The following SMCHD1 variants were observed in gnomAD, a reference collection of about 807,000 sequenced individuals.
SMCHD1 encodes structural maintenance of chromosomes flexible hinge domain-containing protein 1.
SMCHD1 carries 78 observed loss-of-function variants against 254.7 expected under a neutral mutation model. The ratio of observed to expected loss-of-function variants is 0.31; its 90% CI spans 0.26 to 0.37. The LOEUF (loss-of-function observed/expected upper bound fraction) is 0.37, where lower values mean the gene tolerates loss of function less well. SMCHD1 is among the 10% of genes least tolerant of loss of function. The pLI is 1.00. For synonymous variants in SMCHD1, 766 were observed against 794.9 expected (o/e 0.96, Z 0.61); for missense variants, 1,840 against 2,408.1 (o/e 0.76, Z 4.94).
chr18:2,721,558 GA>G (rs572262052), intron 19 of SMCHD1, among the ~76,000 whole-genome samples: 39 of 151,060 alleles, frequency 2.6e-4, no homozygotes, highest in African/African-American at 7.5e-4. Flanking sequence ...GCTTTTTGGG[GA>G]AAAAAAAATT....
chr18:2,758,366 A>AT (rs1169562734), intron 34 of SMCHD1, among the ~76,000 whole-genome samples: 2 of 151,754 alleles, frequency 1.3e-5, no homozygotes, highest in African/African-American at 2.4e-5. Context: ...AACAATTTGT[A>AT]TTTTTTTACC....
chr18:2,784,947 TAAAAAA>T (rs35051153), intron 45 of SMCHD1: 1 of 310,848 alleles, frequency 3.2e-6, no homozygotes, highest in African/African-American at 2.3e-5. Context: ...CTCCATCTCT[TAAAAAA>T]AAAAAAAGAA....
chr18:2,786,503 C>G (rs1187215480), intron 45 of SMCHD1, among the ~76,000 whole-genome samples: 2 of 151,934 alleles, frequency 1.3e-5, no homozygotes, highest in Admixed American at 1.3e-4. Context: ...ACTAGCCCGG[C>G]CAACATGGTA....
chr18:2,704,910 C>A (rs895624445), intron 13 of SMCHD1, among the ~76,000 whole-genome samples: 9 of 152,030 alleles, frequency 5.9e-5, no homozygotes, highest in African/African-American at 2.2e-4. Context: ...GAGGAGCTGG[C>A]AGAGGAGACT....
In SMCHD1 at chr18:2,728,524, C is replaced by T. The variant is rs368340942; in HGVS notation, c.2841C>T (p.Phe947=). 8.1e-6 allele frequency: 13 copies of T among 1,612,954 alleles called. No homozygotes were observed. Among genetic ancestry groups the T allele is most frequent in the African/African-American group, 1.3e-5 (1 of 74,844 alleles). ...TAGTTATAGAAAATGGAACAGCTTT[C>T]CCATTTCAGGTGGAAGTTTTAGATG... ...EILVIENGTA[F]PFQVEVLDES... Residue 947 remains phenylalanine, a synonymous_variant, in exon 23 of 48, where the codon TTC becomes TTT. Coordinates refer to ENST00000320876, the MANE Select transcript of SMCHD1 (RefSeq NM_015295.3).
intron 1 of SMCHD1, among the ~76,000 whole-genome samples, chr18:2,662,224 G>A (rs374378358): frequency 2.2e-5 from 3 of 135,462 alleles, no homozygotes; most frequent in African/African-American, 5.4e-5. Context: ...AAGAAAGAAA[G>A]AAAAAATAAT....
intron 20 of SMCHD1, among the ~76,000 whole-genome samples, chr18:2,722,926 G>C (rs2074955651): frequency 6.6e-6 from 1 of 150,898 alleles, no homozygotes; most frequent in African/African-American, 2.4e-5. Context: ...ATGTTCTTTT[G>C]CAAGTATGAT....
intron 28 of SMCHD1, among the ~76,000 whole-genome samples, chr18:2,743,118 C>G (rs188706304): frequency 8.5e-5 from 13 of 152,272 alleles, no homozygotes; most frequent in Admixed American, 2.0e-4. Context: ...GCAGCACTCA[C>G]GCCAGTGTGG....
At chr18:2,765,449 A>T (rs1343389715) in intron 37 of SMCHD1, among the ~76,000 whole-genome samples, 1 of 152,226 alleles carries the variant, frequency 6.6e-6, no homozygotes, top group African/African-American at 2.4e-5. Context: ...CAGTAAAATT[A>T]GGCTTATACG....
intron 44 of SMCHD1, among the ~76,000 whole-genome samples, chr18:2,781,677 CT>C (rs1568378118): frequency 1.3e-5 from 2 of 151,834 alleles, no homozygotes; most frequent in Admixed American, 6.6e-5. Context: ...AATAAGTCAA[CT>C]TGAAAAAATC....
intron 19 of SMCHD1, among the ~76,000 whole-genome samples, chr18:2,720,020 C>A (rs2074891358): frequency 6.6e-6 from 1 of 151,712 alleles, no homozygotes; most frequent in Non-Finnish European, 1.5e-5. Flanking sequence ...CAGGGTCTTG[C>A]TATGTTATGT....
At position 2,804,465 on chromosome 18, in the gene SMCHD1, T is replaced by C. The variant is rs888117840; in HGVS notation, c.*1913T>C. 1.3e-5 allele frequency: 2 copies of C among 152,124 alleles called. No individual in the cohort carries two copies. The highest frequency in any genetic ancestry group is 2.9e-5 in the Non-Finnish European group (2 of 68,014). 9.4% of individuals were successfully genotyped at this position (152,124 alleles called of 1,614,324 possible). ...TGCTTAAAATGGCGAGTTCTATGGA[T>C]ATTATCTAGCCCCAAGCCCATATCT... On this transcript the variant is annotated 3_prime_UTR_variant, in exon 48 of 48. Transcript: ENST00000320876.
At chr18:2,707,444 A>AT (rs1344655030) in intron 15 of SMCHD1, 119 bp from the exon 16 acceptor site, 4 of 556,814 alleles carry the variant, frequency 7.2e-6, no homozygotes, top group East Asian at 3.4e-5. Flanking sequence ...AGAATTCCAG[A>AT]TTTAACCTTT....
intron 10 of SMCHD1, 121 bp from the exon 11 acceptor site, chr18:2,700,418 C>T: frequency 5.6e-6 from 6 of 1,074,860 alleles, no homozygotes; most frequent in Non-Finnish European, 7.8e-6. Flanking sequence ...TTTTTGTGGG[C>T]AAACAGTATA....
chr18:2,736,603 TGTTAAGAG>T (rs1211552590), intron 25 of SMCHD1, among the ~76,000 whole-genome samples: 4 of 99,230 alleles, frequency 4.0e-5, no homozygotes, highest in Admixed American at 1.2e-4. Context: ...ATAGATAACT[TGTTAAGAG>T]AAGACATACA....
chr18:2,774,901 C>T (rs2076041087), intron 41 of SMCHD1, among the ~76,000 whole-genome samples: 1 of 152,194 alleles, frequency 6.6e-6, no homozygotes, highest in Admixed American at 6.6e-5. Context: ...GGTGTTCACG[C>T]ACATGCGTGA....
intron 26 of SMCHD1, among the ~76,000 whole-genome samples, chr18:2,739,088 T>C (rs117408216): frequency 0.018 from 2,724 of 152,308 alleles, 40 homozygotes; most frequent in Middle Eastern, 0.1. Flanking sequence ...GTTTTTGAGA[T>C]AGAATTTTCA....
intron 42 of SMCHD1, among the ~76,000 whole-genome samples, chr18:2,777,275 T>C (rs1275998954): frequency 6.6e-6 from 1 of 152,208 alleles, no homozygotes; most frequent in East Asian, 1.9e-4. Context: ...CTAGAGCTCC[T>C]CTCCACCTAT....
rs188187431 is a variant in SMCHD1 at position 2,706,440 on chromosome 18, T to A, written c.2033T>A (p.Val678Asp). 8 of 1,590,004 alleles carry A rather than the reference T, an allele frequency of 5.0e-6. No homozygotes were observed. The highest frequency in any genetic ancestry group is 6.9e-6 in the Non-Finnish European group (8 of 1,167,558). The change falls in exon 15 of 48, where the codon GTT becomes GAT. Residue 678 changes from valine (V) to aspartate (D), a missense_variant. Val to Asp is a radical substitution (Grantham distance 152). Transcript: ENST00000320876. ...KLDRTVAEKAVKKYVEDEMAR... is the reference protein window; with the variant it reads ...KLDRTVAEKADKKYVEDEMAR... ...GATAGGACAGTTGCTGAGAAAGCTG[T>A]TAAAAAATATGTAGAAGATGAAATG...
Sources: allele counts gnomAD v4.1 joint callset (sites outside exome capture counted in the v4.1 genomes callset), GRCh38; gene constraint gnomAD v4.1.1; transcripts MANE v1.5; gene names NCBI Gene and HGNC (gene_info 2026-07-23, HGNC 2026-07-21).